The following PDS5B variants were observed in gnomAD, a reference collection of about 807,000 sequenced individuals.
The protein encoded by PDS5B is sister chromatid cohesion protein PDS5 homolog B.
In PDS5B, 51 loss-of-function variants were observed where a neutral mutation model predicts 184.1. That is an observed-to-expected ratio of 0.28 (90% CI 0.22 to 0.35). PDS5B has a LOEUF of 0.35. Among genes scored for constraint, PDS5B ranks in the 10% least tolerant of loss-of-function variants. The probability of loss-of-function intolerance (pLI) is 1.00; values close to 1 mark genes in which losing one functional copy is unlikely to be tolerated. For missense variants in PDS5B, 1,180 were observed against 1,723.3 expected (o/e 0.68, Z 5.58); for synonymous variants, 566 against 569.2 (o/e 0.99, Z 0.08).
chr13:32,603,044 T>A (rs1320629903), intron 1 of PDS5B, among the ~76,000 whole-genome samples: 1 of 152,244 alleles, frequency 6.6e-6, no homozygotes, highest in Admixed American at 6.5e-5. Context: ...TTCTGTAGGT[T>A]GCCTGTTCAC....
At chr13:32,728,237 G>GT (rs1327359896) in intron 19 of PDS5B, among the ~76,000 whole-genome samples, 2 of 151,862 alleles carry the variant, frequency 1.3e-5, no homozygotes, top group African/African-American at 4.8e-5. Context: ...GTAGCATAGT[G>GT]TTTTTTGTAA....
chr13:32,653,330 A>C (rs1950418645), intron 3 of PDS5B, among the ~76,000 whole-genome samples: 1 of 152,190 alleles, frequency 6.6e-6, no homozygotes, highest in Admixed American at 6.5e-5. Context: ...TATGGGTTAG[A>C]GAATGAGTCC....
At chr13:32,621,406 G>A (rs1341229251) in intron 1 of PDS5B, among the ~76,000 whole-genome samples, 1 of 152,170 alleles carries the variant, frequency 6.6e-6, no homozygotes, top group Non-Finnish European at 1.5e-5. Flanking sequence ...GGCAGAGGTT[G>A]CAGTGAGCCA....
chr13:32,701,441 AT>A lies in PDS5B; in HGVS notation c.1856+6del. On this transcript the variant is annotated splice_donor_region_variant and intron_variant, in intron 17 of 34. Transcript: ENST00000315596. ...CACATAGATACCGAATCTATCAGGT[AT>A]TTGTATATAAAATACTAAGTTCTCA... 6.6e-7 allele frequency: 1 copy of A among 1,522,772 alleles called. No homozygotes were observed. The highest frequency in any genetic ancestry group is 1.7e-4 in the Middle Eastern group (1 of 5,838). The allele number at this position is 1,522,772 out of a possible 1,614,324, so 94.3% of individuals were successfully genotyped here.
chr13:32,636,715 A>G (rs746127904), intron 1 of PDS5B, among the ~76,000 whole-genome samples: 1 of 152,242 alleles, frequency 6.6e-6, no homozygotes, highest in Non-Finnish European at 1.5e-5. Flanking sequence ...GTAGCAGTGA[A>G]CAAATTAGGA....
intron 19 of PDS5B, among the ~76,000 whole-genome samples, chr13:32,716,058 T>C (rs1480172524): frequency 0.071 from 1 of 14 alleles, no homozygotes; most frequent in Admixed American, 0.5. Context: ...GTGCCGAGAG[T>C]TGCAGCCTCT....
chr13:32,768,159 C>G (rs1269524497), intron 31 of PDS5B, among the ~76,000 whole-genome samples: 1 of 152,150 alleles, frequency 6.6e-6, no homozygotes, highest in Admixed American at 6.5e-5. Flanking sequence ...AACAACAGAA[C>G]TATATTTTCT....
intron 8 of PDS5B, among the ~76,000 whole-genome samples, 157 bp downstream of exon 8, chr13:32,673,513 G>C (rs1012464313): frequency 6.6e-6 from 1 of 152,164 alleles, no homozygotes; most frequent in Non-Finnish European, 1.5e-5. Flanking sequence ...GTCTGTTTGT[G>C]AATCTTTAGT....
intron 1 of PDS5B, among the ~76,000 whole-genome samples, chr13:32,622,616 G>A: frequency 6.6e-6 from 1 of 152,144 alleles, no homozygotes; most frequent in East Asian, 1.9e-4. Flanking sequence ...ATCAGTAGTG[G>A]AAAAGATGTG....
intron 24 of PDS5B, among the ~76,000 whole-genome samples, chr13:32,748,341 G>A (rs945774723): frequency 6.6e-6 from 1 of 152,082 alleles, no homozygotes; most frequent in South Asian, 2.1e-4. Flanking sequence ...CTCAAGTCCA[G>A]TGATACTGGG....
intron 1 of PDS5B, among the ~76,000 whole-genome samples, chr13:32,599,256 CTTATTT>C (rs941012621): frequency 6.6e-5 from 10 of 151,866 alleles, no homozygotes; most frequent in African/African-American, 2.2e-4. Context: ...GTTTGCTGAG[CTTATTT>C]TTATTTTTAT....
chr13:32,701,422 G>C lies in PDS5B; in HGVS notation c.1840G>C (p.Asp614His). The C allele has an allele frequency of 6.3e-7, 1 of 1,592,476 alleles. No homozygotes were observed. Among genetic ancestry groups the C allele is most frequent in the Non-Finnish European group, 8.6e-7 (1 of 1,162,048 alleles). The change falls in exon 17 of 35, where the codon GAT becomes CAT. Residue 614 changes from aspartate to histidine, a missense_variant. Asp to His is a moderately conservative substitution (Grantham distance 81). Around this residue, in one of 11 missense-constraint regions of PDS5B, gnomAD observed 475 missense variants for 691.5 expected, o/e 0.69. Coordinates refer to ENST00000315596, the MANE Select transcript of PDS5B (RefSeq NM_015032.4). ...LLERIAPVHI[D>H]TESISALIKQ... is the part of the protein sequence containing the mutation. ...GGAGAGGATAGCACCTGTGCACATA[G>C]ATACCGAATCTATCAGGTATTTGTA... is the stretch of plus-strand genomic sequence containing the variant.
Position 32,696,924 on chromosome 13 carries a change from A to T in PDS5B, c.1600+22A>T, listed in dbSNP as rs146834060. The T allele has an allele frequency of 6.0e-3, 8,152 of 1,365,922 alleles. 58 individuals are homozygous for T. The highest frequency in any genetic ancestry group is 7.1e-3 in the Non-Finnish European group (6,900 of 974,006). The allele number at this position is 1,365,922 out of a possible 1,614,324, so 84.6% of individuals were successfully genotyped here. ...ACAAGTAAGTTATTTTAAAATCTGT[A>T]TAAAAATGTAATTTTTATTGGAACA... On this transcript the variant is annotated intron_variant, in intron 15 of 34. Coordinates refer to ENST00000315596, the MANE Select transcript of PDS5B (RefSeq NM_015032.4).
At chr13:32,619,918 C>T (rs1160035393) in intron 1 of PDS5B, among the ~76,000 whole-genome samples, 1 of 152,100 alleles carries the variant, frequency 6.6e-6, no homozygotes, top group Admixed American at 6.5e-5. Flanking sequence ...CCTGCTTCAG[C>T]CTCCCTCGTA....
At chr13:32,689,043 T>C (rs573115827) in intron 13 of PDS5B, 1 of 158,678 alleles carries the variant, frequency 6.3e-6, no homozygotes, top group African/African-American at 2.4e-5. Context: ...TATATTTTTA[T>C]TACCGCATGT....
chr13:32,750,757 G>A (rs186434451), intron 24 of PDS5B, among the ~76,000 whole-genome samples: 3 of 151,996 alleles, frequency 2.0e-5, no homozygotes, highest in Non-Finnish European at 4.4e-5. Flanking sequence ...GGCCAGGCTG[G>A]TCTCGAACTC....
intron 19 of PDS5B, among the ~76,000 whole-genome samples, chr13:32,730,740 C>T (rs1953085654): frequency 6.7e-6 from 1 of 149,066 alleles, no homozygotes; most frequent in Admixed American, 6.7e-5. Flanking sequence ...TGATTTGGCT[C>T]TCTGTTTGTC....
At chr13:32,695,184 A>G (rs982668185) in intron 14 of PDS5B, among the ~76,000 whole-genome samples, 1 of 151,908 alleles carries the variant, frequency 6.6e-6, no homozygotes, top group South Asian at 2.1e-4. Context: ...ATCACTAGTA[A>G]TAAGACATTT....
intron 30 of PDS5B, among the ~76,000 whole-genome samples, chr13:32,762,205 A>G (rs1406915440): frequency 2.0e-5 from 3 of 152,228 alleles, no homozygotes; most frequent in Non-Finnish European, 4.4e-5. Flanking sequence ...TGGTTTTAGC[A>G]TAAGTGCTTA....
Sources: allele counts gnomAD v4.1 joint callset (sites outside exome capture counted in the v4.1 genomes callset), GRCh38; gene constraint gnomAD v4.1.1; regional missense constraint gnomAD v4.1.1; transcripts MANE v1.5; gene names NCBI Gene and HGNC (gene_info 2026-07-23, HGNC 2026-07-21).